Variants in MYH15 observed in about 807,000 individuals in gnomAD.
The protein encoded by MYH15 is myosin heavy chain 15.
Under a neutral mutation model 240.5 loss-of-function variants are expected in MYH15, and 227 were observed. The ratio of observed to expected loss-of-function variants is 0.94; its 90% CI spans 0.85 to 1.05. The LOEUF is 1.05. MYH15 is among the 50% of genes least tolerant of loss of function. MYH15 has a pLI of 0.00. For synonymous variants in MYH15, 785 were observed against 796.7 expected (o/e 0.99, Z 0.25); for missense variants, 2,217 against 2,247.5 (o/e 0.99, Z 0.27).
At chr3:108,398,906 A>ACATG in intron 34 of MYH15, 66 bp from the exon 35 acceptor site, 1 of 1,508,044 alleles carries the variant, frequency 6.6e-7, no homozygotes, top group Non-Finnish European at 9.2e-7. Context: ...ATGCACCTAC[A>ACATG]CATGCATGAT....
At chr3:108,489,611 C>A (rs1473610886) in intron 9 of MYH15, among the ~76,000 whole-genome samples, 2 of 152,086 alleles carry the variant, frequency 1.3e-5, no homozygotes, top group African/African-American at 4.8e-5. Flanking sequence ...TAACATGTCA[C>A]CTCATTTCCT....
chr3:108,459,496 A>G (rs751390059), intron 17 of MYH15, 47 bp from the exon 18 acceptor site: 1 of 1,149,762 alleles, frequency 8.7e-7, no homozygotes, highest in South Asian at 1.4e-5. Context: ...GCAAATCACT[A>G]AAAACACCAA....
At chr3:108,463,538 T>C (rs2083089146) in intron 15 of MYH15, among the ~76,000 whole-genome samples, 1 of 152,116 alleles carries the variant, frequency 6.6e-6, no homozygotes, top group Non-Finnish European at 1.5e-5. Context: ...TTCCACATGT[T>C]GCTCGGTTTG....
chr3:108,513,231 C>G (rs1440543891), upstream of MYH15, among the ~76,000 whole-genome samples: 3 of 152,110 alleles, frequency 2.0e-5, no homozygotes, highest in Non-Finnish European at 4.4e-5. Flanking sequence ...GAAGGTAATT[C>G]TCTTAGAGGA....
Position 108,484,954 on chromosome 3 carries a change from GT to G in MYH15, c.1114+136del, listed in dbSNP as rs140094170. The G allele has an allele frequency of 1.9e-3, 1,703 of 907,462 alleles. 18 individuals are homozygous for G. In the African/African-American group the frequency reaches 0.025, roughly 13 times the overall value. 56.2% of individuals were successfully genotyped at this position (907,462 alleles called of 1,614,324 possible). On this transcript the variant is annotated intron_variant, in intron 11 of 40. Coordinates refer to ENST00000693548, the MANE Select transcript of MYH15 (RefSeq NM_014981.3). ...CATTAGAATGGTAGTTGACAGAACCGTTTTTGAAGAACAGCAATCAAGGGAG... is the reference window on the plus strand; with the variant it reads ...CATTAGAATGGTAGTTGACAGAACCGTTTTGAAGAACAGCAATCAAGGGAG...
At chr3:108,513,254 C>T (rs1435362265), upstream of MYH15, among the ~76,000 whole-genome samples, 1 of 152,098 alleles carries the variant, frequency 6.6e-6, no homozygotes, top group Non-Finnish European at 1.5e-5. Context: ...AGTTCATCTA[C>T]ATGTTGAAAG....
At chr3:108,508,351 A>G (rs1055859793) in intron 1 of MYH15, among the ~76,000 whole-genome samples, 13 of 152,192 alleles carry the variant, frequency 8.5e-5, no homozygotes, top group Admixed American at 7.2e-4. Context: ...AACTCTGTCA[A>G]TTTTAATTCC....
chr3:108,429,025 T>C (rs1307245676), intron 26 of MYH15, 144 bp from the exon 27 acceptor site: 28 of 887,332 alleles, frequency 3.2e-5, no homozygotes, highest in Non-Finnish European at 4.3e-5. Context: ...GTTAAGTGAT[T>C]TGCCCCAATT....
chr3:108,507,544 A>G (rs983158922), intron 1 of MYH15, among the ~76,000 whole-genome samples: 8 of 152,086 alleles, frequency 5.3e-5, no homozygotes, highest in African/African-American at 1.9e-4. Context: ...GGAAGGCAAT[A>G]AGACTGGGGA....
intron 11 of MYH15, among the ~76,000 whole-genome samples, chr3:108,480,876 G>C (rs1453615423): frequency 6.6e-6 from 1 of 152,162 alleles, no homozygotes; most frequent in East Asian, 1.9e-4. Context: ...CTTTGGGTTT[G>C]GGTGCCCTTC....
chr3:108,447,111 A>C (rs1222975137), intron 21 of MYH15, among the ~76,000 whole-genome samples: 1 of 152,200 alleles, frequency 6.6e-6, no homozygotes, highest in African/African-American at 2.4e-5. Flanking sequence ...GAAAGTATAA[A>C]TGCAATCAAG....
the MYH15 span, chr3:108,550,697 C>A: frequency 6.6e-6 from 1 of 151,682 alleles, no homozygotes; most frequent in Admixed American, 6.6e-5. Context: ...TAAAATCATA[C>A]CTTCTCTCTT....
At chr3:108,453,334 T>C (rs954741499) in intron 21 of MYH15, among the ~76,000 whole-genome samples, 3 of 152,176 alleles carry the variant, frequency 2.0e-5, no homozygotes, top group African/African-American at 7.2e-5. Flanking sequence ...TAACAAATTG[T>C]CAATTAAACA....
At chr3:108,532,672 T>C (rs2107282363), upstream of MYH15, among the ~76,000 whole-genome samples, 1 of 152,332 alleles carries the variant, frequency 6.6e-6, no homozygotes, top group South Asian at 2.1e-4. Flanking sequence ...TCTGTTTCTC[T>C]GCAGAACCTT....
intron 2 of MYH15, among the ~76,000 whole-genome samples, 159 bp downstream of exon 2, chr3:108,505,564 C>T (rs899765734): frequency 6.6e-6 from 1 of 152,128 alleles, no homozygotes; most frequent in African/African-American, 2.4e-5. Flanking sequence ...GCCATTGTGC[C>T]CACTGACTTA....
rs756460188 is a variant in MYH15 at position 108,464,600 on chromosome 3, C to A, written c.1731+38G>T. 6 of 1,551,996 alleles carry A rather than the reference C, an allele frequency of 3.9e-6. No homozygotes were observed. In the South Asian group the frequency reaches 7.4e-5, roughly 19 times the overall value. On this transcript the variant is annotated intron_variant, in intron 15 of 40. Coordinates refer to ENST00000693548, the MANE Select transcript of MYH15 (RefSeq NM_014981.3). ...TGGCTGAGCGCATTTGAAACAAAGT[C>A]AGGAAAATTCAAGACCGGGGGTCCA...
intron 32 of MYH15, among the ~76,000 whole-genome samples, chr3:108,407,254 T>C (rs754316089): frequency 2.0e-5 from 3 of 152,160 alleles, no homozygotes; most frequent in Non-Finnish European, 4.4e-5. Context: ...TGGCACAGAG[T>C]GGTCCTTTGG....
At chr3:108,472,727 G>A (rs1397195226) in intron 12 of MYH15, among the ~76,000 whole-genome samples, 24 of 152,148 alleles carry the variant, frequency 1.6e-4, no homozygotes, top group Admixed American at 1.6e-3. Flanking sequence ...CAAGAAGAAA[G>A]CCTGGAAATG....
chr3:108,542,754 T>C, the MYH15 span, among the ~76,000 whole-genome samples: 1 of 152,128 alleles, frequency 6.6e-6, no homozygotes, highest in South Asian at 2.1e-4. Flanking sequence ...CACGTGTCCA[T>C]GTGTTATAAT....
Sources: allele counts gnomAD v4.1 joint callset (sites outside exome capture counted in the v4.1 genomes callset), GRCh38; gene constraint gnomAD v4.1.1; transcripts MANE v1.5; gene names NCBI Gene and HGNC (gene_info 2026-07-23, HGNC 2026-07-21).